Variants in COMMD10 observed in about 807,000 individuals in gnomAD.
COMMD10 encodes the protein COMM domain-containing protein 10.
In COMMD10, 33 loss-of-function variants were observed where a neutral mutation model predicts 28.9. The observed-to-expected ratio is 1.14, with a 90% CI of 0.87 to 1.53. The LOEUF is 1.53. Ranked by LOEUF, COMMD10 falls within the 40% of genes most tolerant of loss-of-function variation. The probability of loss-of-function intolerance (pLI) is 0.00; values close to 1 mark genes in which losing one functional copy is unlikely to be tolerated. For synonymous variants in COMMD10, 110 were observed against 81.7 expected, an observed-to-expected ratio of 1.35 and a Z score of -1.87; for missense variants, 310 against 233.4, an observed-to-expected ratio of 1.33 and a Z score of -2.14.
chr5:116,236,936 G>A (rs773488551), intron 5 of COMMD10, among the ~76,000 whole-genome samples: 26 of 152,040 alleles, frequency 1.7e-4, no homozygotes, highest in Middle Eastern at 3.2e-3. Flanking sequence ...CAATTTTGCT[G>A]CGAAACTAAA....
At chr5:116,108,197 A>T (rs1324493803) in intron 4 of COMMD10, among the ~76,000 whole-genome samples, 1 of 152,226 alleles carries the variant, frequency 6.6e-6, no homozygotes, top group African/African-American at 2.4e-5. Flanking sequence ...CAGAGCTTGA[A>T]TGCTATGCTG....
intron 4 of COMMD10, among the ~76,000 whole-genome samples, chr5:116,126,228 G>T (rs540890121): frequency 6.6e-6 from 1 of 152,156 alleles, no homozygotes; most frequent in South Asian, 2.1e-4. Context: ...GGATGTGAAG[G>T]ACCTCTTCAA....
At chr5:116,134,881 A>G (rs1449772448) in intron 5 of COMMD10, among the ~76,000 whole-genome samples, 5 of 152,114 alleles carry the variant, frequency 3.3e-5, no homozygotes, top group African/African-American at 1.2e-4. Flanking sequence ...TCAGCCTCCC[A>G]AAGTGCTGGG....
intron 5 of COMMD10, among the ~76,000 whole-genome samples, chr5:116,196,309 G>C (rs1748518209): frequency 6.6e-6 from 1 of 152,042 alleles, no homozygotes; most frequent in South Asian, 2.1e-4. Flanking sequence ...GGACACAGAG[G>C]CATTAGAATG....
chr5:116,263,600 C>G (rs1007125814), intron 5 of COMMD10, among the ~76,000 whole-genome samples: 1 of 151,690 alleles, frequency 6.6e-6, no homozygotes, highest in African/African-American at 2.4e-5. Context: ...CTGAAGTCTG[C>G]TCTCTGAGAG....
At chr5:116,226,557 A>T (rs756694938) in intron 5 of COMMD10, among the ~76,000 whole-genome samples, 5 of 151,590 alleles carry the variant, frequency 3.3e-5, no homozygotes, top group Non-Finnish European at 7.4e-5. Context: ...TAGACATTTG[A>T]TTGGAAAATA....
chr5:116,288,176 C>G (rs1206171773), intron 5 of COMMD10, among the ~76,000 whole-genome samples: 1 of 151,766 alleles, frequency 6.6e-6, no homozygotes, highest in Non-Finnish European at 1.5e-5. Flanking sequence ...TTCTTCTTCA[C>G]TTTTGAAGAA....
chr5:116,261,248 T>C (rs56659474), intron 5 of COMMD10, among the ~76,000 whole-genome samples: 17,502 of 151,662 alleles, frequency 0.12, 1,644 homozygotes, highest in African/African-American at 0.23. Flanking sequence ...AACTGTATAT[T>C]GAACAGAAAA....
intron 5 of COMMD10, among the ~76,000 whole-genome samples, chr5:116,154,967 C>A (rs930111278): frequency 6.6e-6 from 1 of 152,040 alleles, no homozygotes; most frequent in Non-Finnish European, 1.5e-5. Flanking sequence ...TCCATGATAG[C>A]TATGCTATTT....
intron 5 of COMMD10, among the ~76,000 whole-genome samples, chr5:116,138,797 A>G (rs9326990): frequency 0.11 from 16,328 of 151,768 alleles, 982 homozygotes; most frequent in African/African-American, 0.15. Flanking sequence ...AGAGCTCTTC[A>G]TTCTTATTTC....
At chr5:116,290,698 T>C (rs1751339371) in intron 5 of COMMD10, among the ~76,000 whole-genome samples, 1 of 151,502 alleles carries the variant, frequency 6.6e-6, no homozygotes. Flanking sequence ...TCAGAGCAGT[T>C]AGCATATTCT....
intron 5 of COMMD10, among the ~76,000 whole-genome samples, chr5:116,255,211 T>C (rs1433422843): frequency 6.6e-6 from 1 of 151,732 alleles, no homozygotes; most frequent in African/African-American, 2.4e-5. Flanking sequence ...TGAGATGGGT[T>C]TCCTGAACAC....
intron 5 of COMMD10, among the ~76,000 whole-genome samples, chr5:116,164,442 G>A (rs557907084): frequency 6.6e-6 from 1 of 152,294 alleles, no homozygotes; most frequent in Admixed American, 6.5e-5. Flanking sequence ...ACAAAGGTTA[G>A]GTAATTCTAT....
chr5:116,110,852 C>A (rs1255463854), intron 4 of COMMD10, among the ~76,000 whole-genome samples: 2 of 152,144 alleles, frequency 1.3e-5, no homozygotes, highest in African/African-American at 4.8e-5. Flanking sequence ...CAAGAGAATT[C>A]ACTATTGTGA....
intron 5 of COMMD10, among the ~76,000 whole-genome samples, chr5:116,211,483 A>G (rs1469881734): frequency 6.6e-6 from 1 of 152,138 alleles, no homozygotes; most frequent in Non-Finnish European, 1.5e-5. Flanking sequence ...CAGCATCACT[A>G]GGCCATAGGA....
intron 5 of COMMD10, among the ~76,000 whole-genome samples, chr5:116,287,437 C>T (rs1751247553): frequency 6.6e-6 from 1 of 151,536 alleles, no homozygotes; most frequent in Non-Finnish European, 1.5e-5. Flanking sequence ...TATCTTTTTC[C>T]ATCCTTTCAC....
chr5:116,139,626 T>C (rs1157993561), intron 5 of COMMD10, among the ~76,000 whole-genome samples: 2 of 151,632 alleles, frequency 1.3e-5, no homozygotes, highest in Non-Finnish European at 3.0e-5. Flanking sequence ...ACGTATCATA[T>C]CTTTATTAGA....
intron 5 of COMMD10, among the ~76,000 whole-genome samples, chr5:116,178,859 C>G (rs940604746): frequency 2.0e-5 from 3 of 152,096 alleles, no homozygotes; most frequent in African/African-American, 7.2e-5. Flanking sequence ...ATATAAACAT[C>G]TTCCATTCCA....
intron 4 of COMMD10, 90 bp from the exon 5 acceptor site, chr5:116,133,978 A>T (rs1201825879): frequency 1.3e-6 from 1 of 774,212 alleles, no homozygotes; most frequent in Non-Finnish European, 2.3e-6. Flanking sequence ...GGCTATCCAT[A>T]TACATTCCTG....
Sources: gnomAD v4.1 joint callset for allele counts (sites outside exome capture counted in the v4.1 genomes callset) on GRCh38, gnomAD v4.1.1 for gene constraint, MANE v1.5 for transcripts, NCBI Gene and HGNC (gene_info 2026-07-23, HGNC 2026-07-21) for gene names.